Variants in TBC1D32 observed in about 807,000 individuals in gnomAD.
The protein encoded by TBC1D32 is protein broad-minded.
In TBC1D32, 151 loss-of-function variants were observed where a neutral mutation model predicts 170.3. The ratio of observed to expected loss-of-function variants is 0.89; its 90% CI spans 0.78 to 1.01. The LOEUF (loss-of-function observed/expected upper bound fraction) is 1.01, where lower values mean the gene tolerates loss of function less well. TBC1D32 is among the 50% of genes least tolerant of loss of function. The probability of loss-of-function intolerance (pLI) is 0.00; values close to 1 mark genes in which losing one functional copy is unlikely to be tolerated. For synonymous variants in TBC1D32, 498 were observed against 488.0 expected, an observed-to-expected ratio of 1.02 and a Z score of -0.27; for missense variants, 1,464 against 1,457.1, an observed-to-expected ratio of 1.00 and a Z score of -0.08.
chr6:121,254,208 C>T (rs1295631179), intron 17 of TBC1D32, among the ~76,000 whole-genome samples: 1 of 152,170 alleles, frequency 6.6e-6, no homozygotes, highest in East Asian at 1.9e-4. Flanking sequence ...AAGGCATAAG[C>T]ATGATATAAT....
intron 22 of TBC1D32, among the ~76,000 whole-genome samples, chr6:121,178,325 G>A (rs1460064902): frequency 2.0e-5 from 3 of 152,068 alleles, no homozygotes; most frequent in African/African-American, 4.8e-5. Context: ...ATGGTGACAT[G>A]AGAAATCACT....
intron 24 of TBC1D32, among the ~76,000 whole-genome samples, chr6:121,153,603 TC>T (rs1784477111): frequency 6.6e-6 from 1 of 152,132 alleles, no homozygotes; most frequent in African/African-American, 2.4e-5. Context: ...AACCGCCCCT[TC>T]CCCCTGGGGC....
chr6:121,185,095 T>C (rs1789019708), intron 22 of TBC1D32, among the ~76,000 whole-genome samples: 1 of 151,926 alleles, frequency 6.6e-6, no homozygotes, highest in Non-Finnish European at 1.5e-5. Flanking sequence ...GACCAACCAT[T>C]AGCAATGGTC....
chr6:121,192,072 A>ATATATATATATATATAG (rs1790137742), intron 22 of TBC1D32, among the ~76,000 whole-genome samples: 1 of 139,144 alleles, frequency 7.2e-6, no homozygotes, highest in African/African-American at 2.7e-5. Context: ...CCCTTTATAT[A>ATATATATATATATATAG]TATATATATA....
chr6:121,087,531 T>A (rs1475064449), intron 31 of TBC1D32, among the ~76,000 whole-genome samples: 1 of 152,214 alleles, frequency 6.6e-6, no homozygotes, highest in African/African-American at 2.4e-5. Flanking sequence ...TGTCATTTTA[T>A]CTCAATACAT....
chr6:121,156,691 C>G (rs560912546), intron 24 of TBC1D32, among the ~76,000 whole-genome samples: 1 of 151,598 alleles, frequency 6.6e-6, no homozygotes, highest in Admixed American at 6.6e-5. Flanking sequence ...TAGCTGCATC[C>G]CAAAGATGTT....
intron 15 of TBC1D32, among the ~76,000 whole-genome samples, chr6:121,261,030 T>C (rs1041834197): frequency 6.6e-6 from 1 of 152,076 alleles, no homozygotes. Flanking sequence ...CTTGGCCAGA[T>C]TGCCTCTTCA....
chr6:121,087,499 T>G (rs905921678), intron 31 of TBC1D32, among the ~76,000 whole-genome samples: 7 of 152,210 alleles, frequency 4.6e-5, no homozygotes, highest in Admixed American at 1.3e-4. Context: ...AGATTTTTAT[T>G]TCTAAAACAA....
intron 22 of TBC1D32, among the ~76,000 whole-genome samples, chr6:121,173,522 G>A (rs886444452): frequency 4.0e-5 from 6 of 151,768 alleles, no homozygotes; most frequent in African/African-American, 9.7e-5. Context: ...TAACCCAAGA[G>A]GCAATGCCTA....
At chr6:121,148,333 G>C (rs1325874745) in intron 24 of TBC1D32, among the ~76,000 whole-genome samples, 1 of 152,018 alleles carries the variant, frequency 6.6e-6, no homozygotes, top group Non-Finnish European at 1.5e-5. Flanking sequence ...TTTTATGGTT[G>C]CATAGTATTC....
intron 31 of TBC1D32, among the ~76,000 whole-genome samples, chr6:121,084,297 G>A (rs1369050816): frequency 6.6e-6 from 1 of 152,106 alleles, no homozygotes; most frequent in Non-Finnish European, 1.5e-5. Flanking sequence ...CAATAAATAG[G>A]TTAATAAGTC....
At chr6:121,126,871 C>T (rs1427608696) in intron 25 of TBC1D32, among the ~76,000 whole-genome samples, 3 of 151,986 alleles carry the variant, frequency 2.0e-5, no homozygotes, top group Non-Finnish European at 2.9e-5. Context: ...AAAATCAGGA[C>T]ATATTATATG....
intron 24 of TBC1D32, among the ~76,000 whole-genome samples, chr6:121,147,308 G>T (rs1783591241): frequency 6.6e-6 from 1 of 152,154 alleles, no homozygotes; most frequent in Non-Finnish European, 1.5e-5. Context: ...TTGATAGAAT[G>T]AGTTATTTCC....
At chr6:121,331,542 G>C (rs905563695) in intron 1 of TBC1D32, among the ~76,000 whole-genome samples, 1 of 152,000 alleles carries the variant, frequency 6.6e-6, no homozygotes, top group African/African-American at 2.4e-5. Context: ...CTTTTAATTA[G>C]ATTATTTTTC....
At chr6:121,128,808 T>C (rs147715606) in intron 25 of TBC1D32, among the ~76,000 whole-genome samples, 225 of 152,310 alleles carry the variant, frequency 1.5e-3, no homozygotes, top group African/African-American at 5.2e-3. Flanking sequence ...TGCCATCTGC[T>C]ATGGTCTGAA....
chr6:121,212,751 G>A (rs770996906), intron 21 of TBC1D32, among the ~76,000 whole-genome samples: 7 of 151,914 alleles, frequency 4.6e-5, no homozygotes, highest in East Asian at 1.9e-4. Context: ...GTGAGCCACC[G>A]CACCCAGCCC....
intron 24 of TBC1D32, among the ~76,000 whole-genome samples, chr6:121,142,013 A>G (rs943675816): frequency 3.3e-5 from 5 of 152,210 alleles, no homozygotes; most frequent in Non-Finnish European, 5.9e-5. Flanking sequence ...CATGTGCAAG[A>G]CTGCTCTCTA....
At chr6:121,111,868 G>C (rs1779239472) in intron 29 of TBC1D32, among the ~76,000 whole-genome samples, 2 of 152,068 alleles carry the variant, frequency 1.3e-5, no homozygotes, top group Admixed American at 1.3e-4. Flanking sequence ...CATGGAAAAG[G>C]TTTGAGAAAC....
chr6:121,176,207 G>A (rs1454497071), intron 22 of TBC1D32, among the ~76,000 whole-genome samples: 1 of 152,092 alleles, frequency 6.6e-6, no homozygotes, highest in Admixed American at 6.6e-5. Flanking sequence ...TTTAAATAAC[G>A]TGGTCAGGAA....
Sources: allele counts gnomAD v4.1 joint callset (sites outside exome capture counted in the v4.1 genomes callset), GRCh38; gene constraint gnomAD v4.1.1; transcripts MANE v1.5; gene names NCBI Gene and HGNC (gene_info 2026-07-23, HGNC 2026-07-21).